Variants in DOCK11 observed in about 807,000 individuals in gnomAD.
The protein encoded by DOCK11 is dedicator of cytokinesis 11.
Under a neutral mutation model 169.1 loss-of-function variants are expected in DOCK11, and 70 were observed. The observed-to-expected ratio is 0.41, with a 90% CI of 0.34 to 0.51. The LOEUF is 0.51. Among genes scored for constraint, DOCK11 ranks in the 20% least tolerant of loss-of-function variants. DOCK11 has a pLI of 0.10. For missense variants in DOCK11, 1,166 were observed against 1,538.8 expected, an observed-to-expected ratio of 0.76 and a Z score of 4.05; for synonymous variants, 529 against 541.3, an observed-to-expected ratio of 0.98 and a Z score of 0.32.
chrX:118,616,532 T>G (rs1054278466), intron 30 of DOCK11, among the ~76,000 whole-genome samples: 3 of 110,942 alleles, frequency 2.7e-5, no homozygotes, highest in Non-Finnish European at 3.8e-5. Context: ...TACTTGTTTT[T>G]TTTTTGTTTT....
chrX:118,534,323 G>A lies in DOCK11; in HGVS notation c.103-8402G>A, dbSNP rs758681794. On this transcript the variant is annotated intron_variant, in intron 1 of 52. Transcript: ENST00000276202. ...AGGTTATTTGCATAATATTTGAACT[G>A]GCTGTAATGAAAAATGTTTGTTAAT... 6.2e-5 allele frequency among the ~76,000 whole-genome samples: 7 copies of A among 112,239 alleles called. No homozygotes were observed. The South Asian group carries it at 2.2e-3, about 35-fold the overall frequency.
At chrX:118,542,502 G>C (rs1205703645) in intron 1 of DOCK11, among the ~76,000 whole-genome samples, 1 of 73,615 alleles carries the variant, frequency 1.4e-5, no homozygotes, top group Non-Finnish European at 2.7e-5. Context: ...GAGAATGTCT[G>C]TGTGTGTGTG....
At chrX:118,678,874 G>A (rs7064288) in intron 48 of DOCK11, among the ~76,000 whole-genome samples, 53 of 108,877 alleles carry the variant, frequency 4.9e-4, no homozygotes, top group African/African-American at 1.7e-3. Flanking sequence ...GTGCTCAAGC[G>A]ATCCTCCCAC....
Position 118,613,069 on chromosome X carries a change from C to T in DOCK11, c.3097-1623C>T, listed in dbSNP as rs191039566. Among the ~76,000 whole-genome samples the T allele has an allele frequency of 3.6e-5, 4 of 111,998 alleles. No individual in the cohort carries two copies. In the East Asian group the frequency reaches 1.1e-3, roughly 31 times the overall value. On this transcript the variant is annotated intron_variant, in intron 28 of 52. Transcript: ENST00000276202. Reference sequence around the variant, plus strand: ...GCCTTTCCATGCAGTGTTGATCACCCCTTCTGTTGTTCACCTGTCTTTTAC... The same window carrying T: ...GCCTTTCCATGCAGTGTTGATCACCTCTTCTGTTGTTCACCTGTCTTTTAC...
intron 7 of DOCK11, 132 bp from the exon 8 acceptor site, chrX:118,565,873 A>G: frequency 1.6e-6 from 1 of 632,676 alleles, no homozygotes; most frequent in Non-Finnish European, 2.5e-6. Flanking sequence ...TCTTACTGAA[A>G]GAAGCAGTTA....
intron 40 of DOCK11, among the ~76,000 whole-genome samples, chrX:118,647,705 A>G (rs1426258205): frequency 1.9e-5 from 1 of 52,973 alleles, no homozygotes; most frequent in Non-Finnish European, 3.1e-5. Context: ...TATAATATAT[A>G]ATAATATAAT....
At chrX:118,530,226 T>C (rs1001650580) in intron 1 of DOCK11, among the ~76,000 whole-genome samples, 5 of 113,017 alleles carry the variant, frequency 4.4e-5, no homozygotes, top group Non-Finnish European at 9.4e-5. Context: ...CCTCACTTTA[T>C]TTTCCTCAAT....
At chrX:118,498,000 CTG>C (rs1400624168) in intron 1 of DOCK11, among the ~76,000 whole-genome samples, 1 of 112,590 alleles carries the variant, frequency 8.9e-6, no homozygotes, top group African/African-American at 3.2e-5. Context: ...GGAGGAAAAA[CTG>C]TTATTGGCAG....
Position 118,680,565 on chromosome X carries a change from A to G in DOCK11, c.5544A>G (p.Thr1848=). 8.3e-7 allele frequency: 1 copy of G among 1,211,086 alleles called. No individual in the cohort carries two copies. Among genetic ancestry groups the G allele is most frequent in the Non-Finnish European group, 1.1e-6 (1 of 894,682 alleles). The change falls in exon 49 of 53, where the codon ACA becomes ACG. Residue 1848 remains threonine (T), a synonymous_variant. Transcript: ENST00000276202. ...CTTACTTTGATGACAAAGAACTCACAGAAAGGAAGACCGAGTTTGAAAGAA... is the reference window on the plus strand; with the variant it reads ...CTTACTTTGATGACAAAGAACTCACGGAAAGGAAGACCGAGTTTGAAAGAA... ...VKPYFDDKEL[T]ERKTEFERNH...
chrX:118,572,674 G>A (rs180900144), intron 11 of DOCK11, among the ~76,000 whole-genome samples: 91 of 112,005 alleles, frequency 8.1e-4, no homozygotes, highest in African/African-American at 2.8e-3. Context: ...TTGTATGACT[G>A]AGAACTATTA....
At chrX:118,542,295 C>T (rs945029736) in intron 1 of DOCK11, among the ~76,000 whole-genome samples, 2 of 109,296 alleles carry the variant, frequency 1.8e-5, no homozygotes, top group African/African-American at 6.7e-5. Flanking sequence ...CTCAGCCTCC[C>T]GAGTGGCTGG....
chrX:118,509,405 G>A (rs1312864997), intron 1 of DOCK11, among the ~76,000 whole-genome samples: 1 of 111,576 alleles, frequency 9.0e-6, no homozygotes, highest in African/African-American at 3.3e-5. Context: ...TGGGACTACA[G>A]GTGTACACCA....
chrX:118,676,322 A>T (rs2016608706), intron 47 of DOCK11, among the ~76,000 whole-genome samples: 1 of 111,799 alleles, frequency 8.9e-6, no homozygotes, highest in South Asian at 3.6e-4. Flanking sequence ...TTAAATAAAA[A>T]ACAGGTAAGT....
chrX:118,635,282 T>C (rs1357719051), intron 35 of DOCK11, among the ~76,000 whole-genome samples: 1 of 111,789 alleles, frequency 8.9e-6, no homozygotes, highest in Non-Finnish European at 1.9e-5. Context: ...TTGTGACACC[T>C]ATGCGATTTT....
intron 4 of DOCK11, among the ~76,000 whole-genome samples, chrX:118,544,093 A>G (rs950552724): frequency 3.0e-4 from 34 of 112,652 alleles, no homozygotes; most frequent in African/African-American, 6.8e-4. Context: ...TCCAAAATGT[A>G]TGAGAGCTCA....
intron 27 of DOCK11, 120 bp from the exon 28 acceptor site, chrX:118,610,152 A>G: frequency 1.4e-6 from 1 of 700,205 alleles, no homozygotes; most frequent in East Asian, 3.3e-5. Context: ...TTAAGTTGGG[A>G]GAACAATTAT....
At chrX:118,636,162 T>C (rs1163111545) in intron 35 of DOCK11, among the ~76,000 whole-genome samples, 184 bp from the exon 36 acceptor site, 2 of 111,715 alleles carry the variant, frequency 1.8e-5, no homozygotes, top group African/African-American at 6.5e-5. Context: ...TTAAATGATA[T>C]ATTTGGAATT....
At chrX:118,612,921 G>A (rs1417643054) in intron 28 of DOCK11, among the ~76,000 whole-genome samples, 2 of 111,923 alleles carry the variant, frequency 1.8e-5, no homozygotes, top group African/African-American at 6.5e-5. Flanking sequence ...ATACTTGGGA[G>A]GATACTTTTC....
chrX:118,643,235 AT>A (rs370612596), intron 39 of DOCK11, among the ~76,000 whole-genome samples: 1 of 112,038 alleles, frequency 8.9e-6, no homozygotes, highest in Admixed American at 9.5e-5. Context: ...TTGAAAAAAA[AT>A]CTACCTGTTT....
Sources: allele counts gnomAD v4.1 joint callset (sites outside exome capture counted in the v4.1 genomes callset), GRCh38; gene constraint gnomAD v4.1.1; transcripts MANE v1.5; gene names NCBI Gene and HGNC (gene_info 2026-07-23, HGNC 2026-07-21).